The following SEC63 variants were observed in gnomAD, a reference collection of about 807,000 sequenced individuals.
SEC63 encodes SEC63 protein translocation regulator.
A neutral mutation model predicts 116.2 loss-of-function variants in SEC63; 56 were observed. The observed-to-expected ratio is 0.48, with a 90% CI of 0.39 to 0.60. The LOEUF (loss-of-function observed/expected upper bound fraction) is 0.60. Among genes scored for constraint, SEC63 ranks in the 20% least tolerant of loss-of-function variants. The probability of loss-of-function intolerance (pLI) is 0.00; values close to 1 mark genes in which losing one functional copy is unlikely to be tolerated. For synonymous variants in SEC63, 273 were observed against 294.6 expected, an observed-to-expected ratio of 0.93 and a Z score of 0.75; for missense variants, 668 against 900.0, an observed-to-expected ratio of 0.74 and a Z score of 3.30.
At chr6:107,941,892 C>T (rs753209531) in intron 1 of SEC63, among the ~76,000 whole-genome samples, 1 of 152,134 alleles carries the variant, frequency 6.6e-6, no homozygotes, top group Non-Finnish European at 1.5e-5. Flanking sequence ...CACATAAAAG[C>T]CCACTTAAGG....
chr6:107,887,384 G>T (rs1247978956), intron 16 of SEC63, among the ~76,000 whole-genome samples: 2 of 144,218 alleles, frequency 1.4e-5, no homozygotes, highest in African/African-American at 5.2e-5. Context: ...TTAAGAAAAT[G>T]TGGCACATAT....
chr6:107,871,353 G>T lies in SEC63; in HGVS notation c.*351C>A. The T allele has an allele frequency of 4.3e-6, 1 of 233,096 alleles. No individual in the cohort carries two copies. Among genetic ancestry groups the T allele is most frequent in the Non-Finnish European group, 8.6e-6 (1 of 116,352 alleles). The allele number at this position is 233,096 out of a possible 1,614,324, so 14.4% of individuals were successfully genotyped here. ...AACTAAAGCTGAACAAAGAAAAGTC[G>T]CTCATTTACAGACTGTGTTTCCTGC... On this transcript the variant is annotated 3_prime_UTR_variant, in exon 21 of 21. Transcript: ENST00000369002.
In SEC63 at chr6:107,870,473, A is replaced by G. The variant is rs1000861972; in HGVS notation, c.*1231T>C. On this transcript the variant is annotated 3_prime_UTR_variant, in exon 21 of 21. Transcript: ENST00000369002. ...GATTTTGATAGGAAAGAATTATTAC[A>G]ATCAGTTTTATAATACTACAGACTT... 1 of 152,630 alleles carries G rather than the reference A, an allele frequency of 6.6e-6. No homozygotes were observed. Among genetic ancestry groups the G allele is most frequent in the African/African-American group, 2.4e-5 (1 of 41,458 alleles). 9.5% of individuals were successfully genotyped at this position (152,630 alleles called of 1,614,324 possible).
At chr6:107,884,005 T>C (rs535359453) in intron 16 of SEC63, among the ~76,000 whole-genome samples, 1 of 151,780 alleles carries the variant, frequency 6.6e-6, no homozygotes, top group African/African-American at 2.4e-5. Flanking sequence ...ATCCCAGCAC[T>C]CTGGGAGGCC....
chr6:107,872,483 T>C (rs945162713), intron 20 of SEC63, among the ~76,000 whole-genome samples: 3 of 150,708 alleles, frequency 2.0e-5, no homozygotes, highest in Non-Finnish European at 3.0e-5. Context: ...TAATATACAC[T>C]CCAAATAGAA....
At chr6:107,915,296 C>T (rs1430068915) in intron 4 of SEC63, among the ~76,000 whole-genome samples, 2 of 151,916 alleles carry the variant, frequency 1.3e-5, no homozygotes, top group Admixed American at 1.3e-4. Context: ...GACCCCTTTG[C>T]CCTGGGAAAA....
chr6:107,919,764 G>A (rs2114473017), intron 4 of SEC63, among the ~76,000 whole-genome samples: 1 of 151,936 alleles, frequency 6.6e-6, no homozygotes, highest in Non-Finnish European at 1.5e-5. Context: ...GGAAGTTGCA[G>A]TGAGCCAAGA....
intron 1 of SEC63, among the ~76,000 whole-genome samples, chr6:107,946,638 G>A (rs1562340907): frequency 6.6e-6 from 1 of 152,156 alleles, no homozygotes; most frequent in South Asian, 2.1e-4. Flanking sequence ...CTGCATGTCT[G>A]ATACACCCCT....
intron 18 of SEC63, among the ~76,000 whole-genome samples, chr6:107,879,227 A>C (rs1786349531): frequency 6.6e-6 from 1 of 152,198 alleles, no homozygotes. Context: ...GCAATGGCAC[A>C]ATCTTGGCTC....
rs1786892718 is a variant in SEC63, at chr6:107,897,690, A to T, written c.1399T>A (p.Leu467Ile). ...GTCAACTTAACCAACACTGTAACTA[A>T]GGATCCTACTGTGATGTTGTTGCTA... ...EDSNNITVGSLVTVLVKLTRQ... is the reference protein window; with the variant it reads ...EDSNNITVGSIVTVLVKLTRQ... The change falls in exon 14 of 21, where the codon TTA becomes ATA. Residue 467 changes from leucine to isoleucine, a missense_variant. Leu to Ile is a conservative substitution (Grantham distance 5, BLOSUM62 2). Coordinates refer to ENST00000369002, the MANE Select transcript of SEC63 (RefSeq NM_007214.5). 2 of 1,610,702 alleles carry T rather than the reference A, an allele frequency of 1.2e-6. No individual in the cohort carries two copies. Among genetic ancestry groups the T allele is most frequent in the Admixed American group, 3.3e-5 (2 of 59,996 alleles).
At chr6:107,898,362 A>G (rs2114435506) in intron 13 of SEC63, among the ~76,000 whole-genome samples, 1 of 152,250 alleles carries the variant, frequency 6.6e-6, no homozygotes, top group South Asian at 2.1e-4. Context: ...TTCTGAAAAC[A>G]CAGTATAATG....
intron 13 of SEC63, among the ~76,000 whole-genome samples, chr6:107,901,109 C>T (rs1358262258): frequency 6.6e-6 from 1 of 152,084 alleles, no homozygotes; most frequent in Non-Finnish European, 1.5e-5. Context: ...TAAGAAATTG[C>T]TAAAAGTTGA....
At chr6:107,876,688 A>AAAT (rs779020589) in intron 18 of SEC63, 26 bp from the exon 19 acceptor site, 37 of 1,411,876 alleles carry the variant, frequency 2.6e-5, no homozygotes, top group Non-Finnish European at 9.9e-7. Context: ...AAAAAAAAAA[A>AAAT]AGAAGAGGGG....
intron 11 of SEC63, 79 bp downstream of exon 11, chr6:107,904,550 T>G (rs1415410790): frequency 8.7e-7 from 1 of 1,146,704 alleles, no homozygotes; most frequent in Non-Finnish European, 1.3e-6. Flanking sequence ...TGAGTACCCA[T>G]AAATCCTAAA....
At chr6:107,934,523 G>T (rs112163964) in intron 1 of SEC63, among the ~76,000 whole-genome samples, 2 of 120,176 alleles carry the variant, frequency 1.7e-5, no homozygotes, top group Non-Finnish European at 3.3e-5. Flanking sequence ...CCCGGCAGCC[G>T]CCCCGTCTGA....
chr6:107,876,561 T>TA lies in SEC63; in HGVS notation c.2034+2dup, dbSNP rs1490114156. Reference sequence around the variant, plus strand: ...CACTGAAATCATGTTGCTTGATAGTTACCTCCTCTGTATCTTTCAGCGTAC... The same window carrying TA: ...CACTGAAATCATGTTGCTTGATAGTTAACCTCCTCTGTATCTTTCAGCGTAC... On this transcript the variant is annotated splice_region_variant and intron_variant, in intron 19 of 20. Transcript: ENST00000369002. The TA allele has an allele frequency of 6.4e-7, 1 of 1,554,976 alleles. No homozygotes were observed. The highest frequency in any genetic ancestry group is 1.7e-5 in the Admixed American group (1 of 59,870).
At position 107,871,400 on chromosome 6, in the gene SEC63, A is replaced by G. The variant is rs1786129897; in HGVS notation, c.*304T>C. 2.6e-6 allele frequency: 1 copy of G among 390,848 alleles called. No homozygotes were observed. Among genetic ancestry groups the G allele is most frequent in the Non-Finnish European group, 4.8e-6 (1 of 206,260 alleles). The allele number at this position is 390,848 out of a possible 1,614,324, so 24.2% of individuals were successfully genotyped here. ...CTGCATCTTTACTTTTACTGGGACCATAGACTGATCAGATAATACATAGCC... is the reference window on the plus strand; with the variant it reads ...CTGCATCTTTACTTTTACTGGGACCGTAGACTGATCAGATAATACATAGCC... On this transcript the variant is annotated 3_prime_UTR_variant, in exon 21 of 21. Coordinates refer to ENST00000369002, the MANE Select transcript of SEC63 (RefSeq NM_007214.5).
At chr6:107,915,193 G>A (rs1351226828) in intron 4 of SEC63, among the ~76,000 whole-genome samples, 1 of 152,176 alleles carries the variant, frequency 6.6e-6, no homozygotes, top group African/African-American at 2.4e-5. Flanking sequence ...AAAATTCAGT[G>A]AGTGTAGTTT....
intron 11 of SEC63, among the ~76,000 whole-genome samples, chr6:107,904,069 G>C (rs1162695577): frequency 1.4e-5 from 2 of 145,756 alleles, no homozygotes; most frequent in Non-Finnish European, 1.5e-5. Context: ...AGTGAGCCAA[G>C]ATCGCGCCAC....
Sources: gnomAD v4.1 joint callset for allele counts (sites outside exome capture counted in the v4.1 genomes callset) on GRCh38, gnomAD v4.1.1 for gene constraint, MANE v1.5 for transcripts, NCBI Gene and HGNC (gene_info 2026-07-23, HGNC 2026-07-21) for gene names.